The following PLEKHA5 variants were observed in gnomAD, a reference collection of about 807,000 sequenced individuals.
PLEKHA5 encodes pleckstrin homology domain containing A5, also known as pleckstrin homology domain-containing family A member 5.
Under a neutral mutation model 181.9 loss-of-function variants are expected in PLEKHA5, and 55 were observed. The observed-to-expected ratio is 0.30, with a 90% confidence interval of 0.24 to 0.38. PLEKHA5 has a LOEUF of 0.38. Ranked by LOEUF, PLEKHA5 falls within the 10% of genes least tolerant of loss-of-function variation. PLEKHA5 has a pLI of 1.00. For missense variants in PLEKHA5, 1,432 were observed against 1,549.5 expected (o/e 0.92, Z 1.27); for synonymous variants, 535 against 529.4 (o/e 1.01, Z -0.15).
intron 3 of PLEKHA5, among the ~76,000 whole-genome samples, chr12:19,248,773 T>C (rs1371578774): frequency 6.6e-6 from 1 of 152,176 alleles, no homozygotes. Flanking sequence ...TTGAGTATGA[T>C]GAAACAAACA....
intron 8 of PLEKHA5, among the ~76,000 whole-genome samples, chr12:19,268,191 A>G (rs1290526473): frequency 1.3e-5 from 2 of 152,226 alleles, no homozygotes; most frequent in African/African-American, 2.4e-5. Flanking sequence ...TGTTAAAACA[A>G]AAGTTAACAC....
At chr12:19,373,141 AGGCCAG>A (rs1418434113) in intron 31 of PLEKHA5, 3 of 152,216 alleles carry the variant, frequency 2.0e-5, no homozygotes, top group Non-Finnish European at 4.4e-5. Flanking sequence ...GCACTTTGGG[AGGCCAG>A]GGCTGGTGGA....
chr12:19,318,796 G>A (rs968661129), intron 16 of PLEKHA5, among the ~76,000 whole-genome samples: 6 of 152,014 alleles, frequency 3.9e-5, no homozygotes, highest in African/African-American at 7.2e-5. Context: ...GATGGTGCAC[G>A]TATAATCCCA....
At chr12:19,248,403 G>A (rs1028384119) in intron 3 of PLEKHA5, among the ~76,000 whole-genome samples, 2 of 152,066 alleles carry the variant, frequency 1.3e-5, no homozygotes, top group South Asian at 4.1e-4. Flanking sequence ...TCGCCATGTT[G>A]TCCAGGCTGG....
chr12:19,247,771 AG>A lies in PLEKHA5; in HGVS notation c.228-6164del, dbSNP rs1444450218. 3.7e-3 allele frequency among the ~76,000 whole-genome samples: 559 copies of A among 151,562 alleles called. 5 individuals carry two copies. The highest frequency in any genetic ancestry group is 0.013 in the African/African-American group (530 of 41,338). On this transcript the variant is annotated intron_variant, in intron 3 of 31. Coordinates refer to ENST00000429027, the MANE Select transcript of PLEKHA5 (RefSeq NM_001256470.2). ...TTCTTTTTTTAAAAAAAAAAAAGGT[AG>A]GGGGTGAGGGCATTCGTTCATTTTA...
At chr12:19,235,647 CTG>C (rs2061309172) in intron 3 of PLEKHA5, among the ~76,000 whole-genome samples, 1 of 152,134 alleles carries the variant, frequency 6.6e-6, no homozygotes, top group South Asian at 2.1e-4. Context: ...GGTCAGAAAA[CTG>C]TTGAGAAAAG....
intron 5 of PLEKHA5, among the ~76,000 whole-genome samples, chr12:19,257,069 C>G (rs905380687): frequency 6.6e-6 from 1 of 152,074 alleles, no homozygotes; most frequent in African/African-American, 2.4e-5. Context: ...GGGAAAAGTT[C>G]TGTCATTTGG....
At chr12:19,352,463 C>G (rs11044508) in intron 25 of PLEKHA5, among the ~76,000 whole-genome samples, 1 of 151,924 alleles carries the variant, frequency 6.6e-6, no homozygotes, top group Admixed American at 6.6e-5. Context: ...TGTTAGTGGA[C>G]ACTTTGAGGC....
At position 19,202,502 on chromosome 12, in the gene PLEKHA5, GA is replaced by G. The variant is rs1174005723; in HGVS notation, c.228-51435del. 3.9e-5 allele frequency among the ~76,000 whole-genome samples: 6 copies of G among 152,158 alleles called. No homozygotes were observed. The East Asian group carries it at 1.2e-3, about 29-fold the overall frequency. The stretch of plus-strand genomic sequence containing the variant: ...ACTGGCTCCACTGACAGGTCAGGTT[GA>G]AAGGTTTCTGGACCCTGAGAGTATG... On this transcript the variant is annotated intron_variant, in intron 3 of 31. Transcript: ENST00000429027.
At chr12:19,223,935 A>G (rs966687053) in intron 3 of PLEKHA5, among the ~76,000 whole-genome samples, 1 of 152,160 alleles carries the variant, frequency 6.6e-6, no homozygotes, top group African/African-American at 2.4e-5. Flanking sequence ...CATACTTTGA[A>G]TATCACTCAT....
chr12:19,260,428 G>T (rs1337677350), intron 6 of PLEKHA5, among the ~76,000 whole-genome samples: 1 of 152,162 alleles, frequency 6.6e-6, no homozygotes, highest in African/African-American at 2.4e-5. Flanking sequence ...TATTCCTTTT[G>T]CATGATGGTA....
intron 3 of PLEKHA5, among the ~76,000 whole-genome samples, chr12:19,208,592 CT>C (rs780103224): frequency 1.4e-4 from 22 of 152,122 alleles, no homozygotes; most frequent in Non-Finnish European, 3.1e-4. Flanking sequence ...TCCAGCTAAG[CT>C]CTCATTTTTT....
At chr12:19,275,846 A>C (rs374802672) in intron 11 of PLEKHA5, among the ~76,000 whole-genome samples, 2 of 152,312 alleles carry the variant, frequency 1.3e-5, no homozygotes, top group South Asian at 2.1e-4. Flanking sequence ...TTTATTTTGC[A>C]ACTACTATAT....
intron 15 of PLEKHA5, among the ~76,000 whole-genome samples, chr12:19,297,628 CAAAAAAAAAAA>C (rs934426933): frequency 1.1e-4 from 7 of 63,764 alleles, no homozygotes; most frequent in African/African-American, 4.0e-4. Flanking sequence ...GGCTCCGTCT[CAAAAAAAAAAA>C]AAAAAAAAAA....
At chr12:19,184,434 G>A (rs1458644361) in intron 3 of PLEKHA5, among the ~76,000 whole-genome samples, 1 of 152,186 alleles carries the variant, frequency 6.6e-6, no homozygotes, top group Non-Finnish European at 1.5e-5. Context: ...GGATGTACAT[G>A]TGAGATACAG....
intron 11 of PLEKHA5, among the ~76,000 whole-genome samples, chr12:19,279,323 C>A (rs572271668): frequency 1.3e-5 from 2 of 151,980 alleles, no homozygotes; most frequent in Non-Finnish European, 2.9e-5. Context: ...AAGTAGGAGA[C>A]CTGCATTTTA....
intron 18 of PLEKHA5, 70 bp from the exon 19 acceptor site, chr12:19,322,240 A>G (rs2153045743): frequency 1.1e-6 from 1 of 904,948 alleles, no homozygotes; most frequent in Non-Finnish European, 1.8e-6. Context: ...TTGGTCATAT[A>G]ATGACTGCCT....
intron 20 of PLEKHA5, among the ~76,000 whole-genome samples, chr12:19,325,658 A>T (rs1245002733): frequency 7.2e-6 from 1 of 139,742 alleles, no homozygotes; most frequent in Non-Finnish European, 1.6e-5. Flanking sequence ...ATTGCACTCC[A>T]GCCTGGGCGA....
At chr12:19,247,181 TC>T (rs1041195430) in intron 3 of PLEKHA5, among the ~76,000 whole-genome samples, 1 of 152,148 alleles carries the variant, frequency 6.6e-6, no homozygotes, top group Non-Finnish European at 1.5e-5. Context: ...AACAACAGCT[TC>T]CCCCGTTTTC....
Sources: gnomAD v4.1 joint callset for allele counts (sites outside exome capture counted in the v4.1 genomes callset) on GRCh38, gnomAD v4.1.1 for gene constraint, MANE v1.5 for transcripts, NCBI Gene and HGNC (gene_info 2026-07-23, HGNC 2026-07-21) for gene names.